GSE1: variants seen among roughly 807,000 people sequenced by gnomAD.
The protein encoded by GSE1 is genetic suppressor element 1.
A neutral mutation model predicts 112.6 loss-of-function variants in GSE1; 32 were observed. The observed-to-expected ratio is 0.28, with a 90% CI of 0.21 to 0.38. The LOEUF (loss-of-function observed/expected upper bound fraction) is 0.38, where lower values mean the gene tolerates loss of function less well. GSE1 is among the 10% of genes least tolerant of loss of function. The pLI, the probability that GSE1 is intolerant of heterozygous loss-of-function variation, is 1.00. For missense variants in GSE1, 2,348 were observed against 1,699.2 expected (o/e 1.38, Z -6.71); for synonymous variants, 1,115 against 735.6 (o/e 1.52, Z -8.35).
At chr16:85,408,712 C>T (rs548633265) in intron 2 of GSE1, among the ~76,000 whole-genome samples, 2 of 62,286 alleles carry the variant, frequency 3.2e-5, no homozygotes, top group South Asian at 6.5e-4. Flanking sequence ...CTGTTACACT[C>T]AGGGCACCTG....
intron 1 of GSE1, among the ~76,000 whole-genome samples, chr16:85,262,671 T>A (rs1283721248): frequency 6.6e-6 from 1 of 152,192 alleles, no homozygotes; most frequent in Non-Finnish European, 1.5e-5. Flanking sequence ...GATTTAGCAA[T>A]CAGACCAGAG....
chr16:85,389,963 G>T (rs1213340388), intron 2 of GSE1, among the ~76,000 whole-genome samples: 1 of 152,148 alleles, frequency 6.6e-6, no homozygotes, highest in Non-Finnish European at 1.5e-5. Context: ...TTTACCCCAG[G>T]GGAAAGTGAG....
At position 85,316,168 on chromosome 16, in the gene GSE1, C is replaced by T. The variant is rs980968527; in HGVS notation, c.2284-41295C>T. On this transcript the variant is annotated intron_variant, in intron 1 of 2. Transcript: ENST00000637419. ...GTAACTCGGTGCAGAAGTGCGACAC[C>T]AGCCACCTATTCCATTTTCAGTTTC... Among the ~76,000 whole-genome samples, 3 of 152,254 alleles carry T rather than the reference C, an allele frequency of 2.0e-5. 1 individual carries two copies. Among genetic ancestry groups the T allele is most frequent in the Admixed American group, 1.3e-4 (2 of 15,292 alleles).
At position 85,312,213 on chromosome 16, in the gene GSE1, G is replaced by GGGGGC. The variant is rs1555559914; in HGVS notation, c.2284-45246_2284-45245insCGGGG. On this transcript the variant is annotated intron_variant, in intron 1 of 2. Coordinates refer to the GSE1 transcript ENST00000637419. ...CTCTCTGATCCTCTTGCGGGGGGGGGGGGGACACACTTACCCCCAAACCCT... is the reference window on the plus strand; with the variant it reads ...CTCTCTGATCCTCTTGCGGGGGGGGGGGGGCGGGGACACACTTACCCCCAAACCCT... Among the ~76,000 whole-genome samples, 110 of 149,646 alleles carry GGGGGC rather than the reference G, an allele frequency of 7.4e-4. 26 individuals are homozygous for GGGGGC. Among genetic ancestry groups the GGGGGC allele is most frequent in the African/African-American group, 2.6e-3 (103 of 39,210 alleles).
intron 11 of GSE1, among the ~76,000 whole-genome samples, chr16:85,664,277 C>A (rs1279724520): frequency 7.2e-5 from 11 of 152,228 alleles, no homozygotes; most frequent in African/African-American, 2.4e-4. Flanking sequence ...TTCAAGTCCT[C>A]GTGGGCCCCT....
At chr16:85,521,885 A>G (rs1392815615) in intron 2 of GSE1, among the ~76,000 whole-genome samples, 3 of 152,282 alleles carry the variant, frequency 2.0e-5, no homozygotes, top group East Asian at 3.9e-4. Context: ...ATCCTCTGCT[A>G]ATGAGGTCCC....
intron 1 of GSE1, among the ~76,000 whole-genome samples, chr16:85,629,725 C>G (rs932321121): frequency 2.0e-5 from 3 of 152,192 alleles, no homozygotes; most frequent in Non-Finnish European, 4.4e-5. Context: ...CTGATGGTCT[C>G]TGGCATCGAA....
At chr16:85,454,221 C>T (rs1016669472) in intron 2 of GSE1, among the ~76,000 whole-genome samples, 14 of 152,338 alleles carry the variant, frequency 9.2e-5, no homozygotes, top group Admixed American at 7.8e-4. Flanking sequence ...CTGCCTCATT[C>T]GATCCTGAGA....
intron 2 of GSE1, among the ~76,000 whole-genome samples, chr16:85,537,745 A>C (rs544645633): frequency 2.4e-4 from 37 of 152,394 alleles, no homozygotes; most frequent in Non-Finnish European, 5.1e-4. Flanking sequence ...CTGGCGAGAA[A>C]GATGAATGAA....
intron 1 of GSE1, among the ~76,000 whole-genome samples, chr16:85,590,477 G>T (rs1210362212): frequency 6.6e-6 from 1 of 150,826 alleles, no homozygotes; most frequent in Admixed American, 6.6e-5. Context: ...GTGACATCTT[G>T]TGCATGTGTG....
intron 3 of GSE1, among the ~76,000 whole-genome samples, chr16:85,650,962 CAG>C (rs1439631936): frequency 2.0e-5 from 3 of 151,856 alleles, no homozygotes; most frequent in African/African-American, 7.3e-5. Context: ...TTAAAGCTAA[CAG>C]GGCATGTCCC....
chr16:85,478,945 CTTTTTTTT>C (rs557331164), intron 2 of GSE1, among the ~76,000 whole-genome samples: 1 of 84,690 alleles, frequency 1.2e-5, no homozygotes, highest in Non-Finnish European at 2.3e-5. Flanking sequence ...TTCTTTCTTT[CTTTTTTTT>C]TCTTTCTTTC....
At chr16:85,560,239 G>A (rs1262888501) in intron 1 of GSE1, among the ~76,000 whole-genome samples, 1 of 149,626 alleles carries the variant, frequency 6.7e-6, no homozygotes, top group Admixed American at 6.7e-5. Context: ...GGGTTCAAGC[G>A]ATTGTCCTGC....
At chr16:85,500,502 C>T (rs74906806) in intron 2 of GSE1, among the ~76,000 whole-genome samples, 29 of 152,346 alleles carry the variant, frequency 1.9e-4, no homozygotes, top group African/African-American at 7.0e-4. Context: ...TCCCCCAGCC[C>T]CTGGGTCCCC....
In GSE1 at chr16:85,408,586, C is replaced by A. The variant is rs1347314084; in HGVS notation, c.2464+50943C>A. Among the ~76,000 whole-genome samples the A allele has an allele frequency of 2.3e-3, 48 of 21,318 alleles. 15 individuals are homozygous for A. The highest frequency in any genetic ancestry group is 9.5e-3 in the African/African-American group (48 of 5,034). The allele number at this position is 21,318 out of a possible 152,430, so 14.0% of individuals were successfully genotyped here. ...TAATCCTCACTGTTACACTCAGGCC[C>A]CCCTGGAAAATCCTCACTGTTACTC... On this transcript the variant is annotated intron_variant, in intron 2 of 2. Transcript: ENST00000637419.
intron 2 of GSE1, among the ~76,000 whole-genome samples, chr16:85,420,787 A>G (rs781158277): frequency 6.6e-5 from 10 of 152,048 alleles, no homozygotes; most frequent in Non-Finnish European, 8.8e-5. Flanking sequence ...GGTGGAGTGT[A>G]AGGGCCTCCC....
chr16:85,644,476 A>C (rs1398114587), intron 2 of GSE1, among the ~76,000 whole-genome samples: 8 of 152,188 alleles, frequency 5.3e-5, no homozygotes, highest in Non-Finnish European at 7.3e-5. Context: ...GTGGACTGTC[A>C]CTTAGCCGCG....
intron 1 of GSE1, among the ~76,000 whole-genome samples, chr16:85,605,329 G>A (rs1209468891): frequency 3.3e-5 from 5 of 151,986 alleles, no homozygotes; most frequent in African/African-American, 1.2e-4. Context: ...CTCACTCTAG[G>A]CCCAATGTCC....
chr16:85,528,439 G>GT (rs1226865371), intron 2 of GSE1, among the ~76,000 whole-genome samples: 2 of 151,644 alleles, frequency 1.3e-5, no homozygotes, highest in African/African-American at 4.9e-5. Flanking sequence ...AGCCTCCCGG[G>GT]TAGCCGGGAC....
Sources: allele counts gnomAD v4.1 joint callset (sites outside exome capture counted in the v4.1 genomes callset), GRCh38; gene constraint gnomAD v4.1.1; transcripts MANE v1.5; gene names NCBI Gene and HGNC (gene_info 2026-07-23, HGNC 2026-07-21).